DCLRE1C: variants seen among roughly 807,000 people sequenced by gnomAD.
DCLRE1C encodes the protein DNA cross-link repair 1C, also known as protein artemis.
Under a neutral mutation model 61.4 loss-of-function variants are expected in DCLRE1C, and 47 were observed. The observed-to-expected ratio is 0.77, with a 90% CI of 0.61 to 0.98. The LOEUF is 0.98. Among genes scored for constraint, DCLRE1C ranks in the 50% least tolerant of loss-of-function variants. DCLRE1C has a pLI of 0.00. For synonymous variants in DCLRE1C, 337 were observed against 287.6 expected (o/e 1.17, Z -1.74); for missense variants, 858 against 816.0 (o/e 1.05, Z -0.63).
At chr10:14,923,125 G>T in intron 11 of DCLRE1C, 56 bp from the exon 12 acceptor site, 1 of 1,373,434 alleles carries the variant, frequency 7.3e-7, no homozygotes, top group Non-Finnish European at 1.0e-6. Context: ...CAGGTTGTTA[G>T]GGGAGATAAA....
chr10:14,943,000 C>T (rs1841110458), intron 3 of DCLRE1C, among the ~76,000 whole-genome samples: 1 of 152,170 alleles, frequency 6.6e-6, no homozygotes, highest in Admixed American at 6.6e-5. Flanking sequence ...GTGGTTCAGG[C>T]CTGTAATCCC....
At chr10:14,933,734 T>C (rs1839412412) in intron 8 of DCLRE1C, among the ~76,000 whole-genome samples, 5 of 152,228 alleles carry the variant, frequency 3.3e-5, no homozygotes, top group Admixed American at 2.6e-4. Flanking sequence ...TATCTCCTTG[T>C]TCAAATTTAT....
At chr10:14,929,446 A>C (rs1838609149) in intron 9 of DCLRE1C, among the ~76,000 whole-genome samples, 2 of 144,862 alleles carry the variant, frequency 1.4e-5, no homozygotes, top group Non-Finnish European at 3.0e-5. Flanking sequence ...AAAAGATCTC[A>C]GCCTGGGCAA....
chr10:14,901,714 C>T (rs867193028), downstream of DCLRE1C, among the ~76,000 whole-genome samples: 5 of 151,658 alleles, frequency 3.3e-5, no homozygotes, highest in Non-Finnish European at 5.9e-5. Flanking sequence ...GCCTGTAGTC[C>T]CAGCTACTCG....
Position 14,935,557 on chromosome 10 carries a change from A to G in DCLRE1C, c.370T>C (p.Phe124Leu), listed in dbSNP as rs763746094. ...GHCPGSVMFLFQGNNGTVLYT... is the reference protein window; with the variant it reads ...GHCPGSVMFLLQGNNGTVLYT... ...AGGACAGTTCCATTATTGCCCTGAA[A>G]TAAAAACCTGAAAAAGAAATATATC... is the stretch of plus-strand genomic sequence containing the variant. The change falls in exon 6 of 14, where the codon TTT (phenylalanine) becomes CTT (leucine). Residue 124 changes from phenylalanine to leucine, a missense_variant. Physicochemically the swap from Phe to Leu is conservative, Grantham distance 22. Transcript: ENST00000378278. The G allele has an allele frequency of 1.2e-6, 2 of 1,614,094 alleles. No individual in the cohort carries two copies. The highest frequency in any genetic ancestry group is 2.2e-5 in the South Asian group (2 of 91,078).
intron 2 of DCLRE1C, among the ~76,000 whole-genome samples, chr10:14,946,902 G>A (rs894225507): frequency 1.3e-4 from 20 of 152,194 alleles, no homozygotes; most frequent in East Asian, 9.7e-4. Flanking sequence ...ATAAGCCTAA[G>A]CCACTACGCC....
In DCLRE1C at chr10:14,934,449, C is replaced by G; in HGVS notation, c.609G>C (p.Trp203Cys). 6.2e-7 allele frequency: 1 copy of G among 1,614,178 alleles called. No homozygotes were observed. The highest frequency in any genetic ancestry group is 8.5e-7 in the Non-Finnish European group (1 of 1,180,030). The change falls in exon 8 of 14, where the codon TGG (tryptophan) becomes TGC (cysteine). Residue 203 changes from tryptophan to cysteine, a missense_variant. Trp to Cys is a radical substitution (Grantham distance 215). Coordinates refer to ENST00000378278, the MANE Select transcript of DCLRE1C (RefSeq NM_001033855.3). ...AGCCATAAGCCGCTTTGCAGTTCAG[C>G]CACACAACATGGTACGGGCTCCGAG... ...WITRSPYHVV[W>C]LNCKAAYGYE...
In DCLRE1C at chr10:14,923,018, T is replaced by C. The variant is rs759789901; in HGVS notation, c.1024A>G (p.Ile342Val). The C allele has an allele frequency of 3.8e-5, 62 of 1,613,510 alleles. No homozygotes were observed. The highest frequency in any genetic ancestry group is 4.9e-5 in the Non-Finnish European group (58 of 1,179,532). ...LCPVNAYPNV[I>V]PVGTTMDKVV... ...TTATCCATAGTTGTGCCAACTGGAATGACATTTGGATATGCGTTCACAGGA... is the reference window on the plus strand; with the variant it reads ...TTATCCATAGTTGTGCCAACTGGAACGACATTTGGATATGCGTTCACAGGA... The change falls in exon 12 of 14, where the codon ATT becomes GTT. Residue 342 changes from isoleucine to valine, a missense_variant. By Grantham distance (29) the Ile-to-Val change is conservative (BLOSUM62 3). Transcript: ENST00000378278.
chr10:14,945,261 T>C, intron 2 of DCLRE1C, 72 bp from the exon 3 acceptor site: 2 of 1,475,532 alleles, frequency 1.4e-6, no homozygotes, highest in Non-Finnish European at 1.9e-6. Flanking sequence ...GAAATCTATT[T>C]CATCATACAT....
At chr10:14,900,744 C>G (rs933118049), downstream of DCLRE1C, among the ~76,000 whole-genome samples, 4 of 151,954 alleles carry the variant, frequency 2.6e-5, no homozygotes, top group Non-Finnish European at 5.9e-5. Flanking sequence ...TTTTTAAACA[C>G]AGTTGTTCTA....
intron 8 of DCLRE1C, 95 bp from the exon 9 acceptor site, chr10:14,933,050 A>C: frequency 7.5e-7 from 1 of 1,340,548 alleles, no homozygotes; most frequent in East Asian, 2.3e-5. Context: ...CCAGTTAGTG[A>C]ATTAACCCTC....
chr10:14,932,357 G>T (rs1345006028), intron 9 of DCLRE1C, among the ~76,000 whole-genome samples: 2 of 152,176 alleles, frequency 1.3e-5, no homozygotes, highest in Middle Eastern at 3.2e-3. Flanking sequence ...TAAAGATCTG[G>T]TTGGGGGTGG....
intron 11 of DCLRE1C, 49 bp downstream of exon 11, chr10:14,926,794 C>A: frequency 6.8e-7 from 1 of 1,462,692 alleles, no homozygotes; most frequent in Non-Finnish European, 9.6e-7. Context: ...ACTACCAAGG[C>A]TGCAGAACAC....
intron 13 of DCLRE1C, among the ~76,000 whole-genome samples, chr10:14,917,834 A>T (rs1002837776): frequency 1.3e-5 from 2 of 152,172 alleles, no homozygotes; most frequent in African/African-American, 4.8e-5. Context: ...CAAACCCAAC[A>T]ATTTAAAAAT....
At chr10:14,923,943 T>C (rs1837535269) in intron 11 of DCLRE1C, among the ~76,000 whole-genome samples, 2 of 152,166 alleles carry the variant, frequency 1.3e-5, no homozygotes, top group Non-Finnish European at 2.9e-5. Context: ...GACCAGTGTG[T>C]CTCTCCCTGC....
In DCLRE1C at chr10:14,922,886, T is replaced by C. The variant is rs567841925; in HGVS notation, c.1061+95A>G. 1.8e-5 allele frequency: 16 copies of C among 911,116 alleles called. No homozygotes were observed. The African/African-American group carries it at 2.4e-4, about 14-fold the overall frequency. 56.4% of individuals were successfully genotyped at this position (911,116 alleles called of 1,614,324 possible). A position where few individuals can be genotyped will look rare whatever the true frequency, so the allele number is the denominator to read the frequency against. ...TCAGAAATGTCCCAAAACAAACAGA[T>C]TCTAGACTTGTAAACATTCAGGCAA... On this transcript the variant is annotated intron_variant, in intron 12 of 13. Coordinates refer to ENST00000378278, the MANE Select transcript of DCLRE1C (RefSeq NM_001033855.3).
intron 1 of DCLRE1C, among the ~76,000 whole-genome samples, chr10:14,950,530 C>T (rs1842314291): frequency 6.6e-6 from 1 of 152,122 alleles, no homozygotes; most frequent in South Asian, 2.1e-4. Context: ...CTTGGCAGCC[C>T]TTGATTGTAT....
Position 14,908,892 on chromosome 10 carries a change from A to AG in DCLRE1C, c.1594_1595insC (p.Ile532ThrfsTer25). 6.2e-7 allele frequency: 1 copy of AG among 1,614,104 alleles called. No homozygotes were observed. Among genetic ancestry groups the AG allele is most frequent in the Non-Finnish European group, 8.5e-7 (1 of 1,180,016 alleles). Reference sequence around the variant, plus strand: ...TGACTGGGAAGAATTCTGGGAGGAGATGTGAGTTGATTCTCCATCAGAGTC... The same window carrying AG: ...TGACTGGGAAGAATTCTGGGAGGAGAGTGTGAGTTGATTCTCCATCAGAGTC... On this transcript the variant is annotated frameshift_variant, in exon 14 of 14. Transcript: ENST00000378278. LOFTEE classifies it low-confidence loss of function (END_TRUNC).
intron 1 of DCLRE1C, among the ~76,000 whole-genome samples, chr10:14,953,281 C>A (rs1258589956): frequency 6.6e-6 from 1 of 152,154 alleles, no homozygotes; most frequent in Non-Finnish European, 1.5e-5. Flanking sequence ...GGAGCATCAG[C>A]GACACTCTAA....
Sources: gnomAD v4.1 joint callset for allele counts (sites outside exome capture counted in the v4.1 genomes callset) on GRCh38, gnomAD v4.1.1 for gene constraint, MANE v1.5 for transcripts, NCBI Gene and HGNC (gene_info 2026-07-23, HGNC 2026-07-21) for gene names.